The following HDAC3 variants were observed in gnomAD, a reference collection of about 807,000 sequenced individuals.
The protein encoded by HDAC3 is histone deacetylase 3.
Under a neutral mutation model 62.3 loss-of-function variants are expected in HDAC3, and 21 were observed. The observed-to-expected ratio is 0.34, with a 90% CI of 0.24 to 0.49. The LOEUF is 0.49. HDAC3 is among the 20% of genes least tolerant of loss of function. HDAC3 has a pLI of 0.99. For missense variants in HDAC3, 270 were observed against 556.9 expected (o/e 0.48, Z 5.19); for synonymous variants, 198 against 206.5 (o/e 0.96, Z 0.35).
chr5:141,624,108 A>G (rs1198168683), intron 14 of HDAC3, among the ~76,000 whole-genome samples: 1 of 151,724 alleles, frequency 6.6e-6, no homozygotes, highest in Non-Finnish European at 1.5e-5. Context: ...TAACAGAGCA[A>G]AGAAATCAAA....
intron 10 of HDAC3, 58 bp downstream of exon 10, chr5:141,627,835 G>A (rs1276258574): frequency 4.7e-6 from 7 of 1,480,024 alleles, no homozygotes; most frequent in African/African-American, 1.4e-5. Flanking sequence ...CCCCACCCAC[G>A]TACTGAAGTC....
chr5:141,627,976 C>G lies in HDAC3; in HGVS notation c.766-19G>C. 6.2e-7 allele frequency: 1 copy of G among 1,613,936 alleles called. No homozygotes were observed. ...CTCCACACTGCAAAAAGCAAAACCCCAGGAAAGTGCAGTGATCAGAACTGA... is the reference window on the plus strand; with the variant it reads ...CTCCACACTGCAAAAAGCAAAACCCGAGGAAAGTGCAGTGATCAGAACTGA... On this transcript the variant is annotated intron_variant, in intron 9 of 14. Transcript: ENST00000305264.
Position 141,636,849 on chromosome 5 carries a change from C to A in HDAC3, c.-59G>T. 2 of 1,354,064 alleles carry A rather than the reference C, an allele frequency of 1.5e-6. No homozygotes were observed. The highest frequency in any genetic ancestry group is 1.8e-5 in the South Asian group (1 of 54,270). 83.9% of individuals were successfully genotyped at this position (1,354,064 alleles called of 1,614,324 possible). A position where few individuals can be genotyped will look rare whatever the true frequency, so the allele number is the denominator to read the frequency against. Reference sequence around the variant, plus strand: ...GCCCGCCGCCCGCGGCCGCCGCCAGCCCCTCCCCGGCCGTGCGTGCTGCGC... The same window carrying A: ...GCCCGCCGCCCGCGGCCGCCGCCAGACCCTCCCCGGCCGTGCGTGCTGCGC... On this transcript the variant is annotated 5_prime_UTR_variant, in exon 1 of 15. Transcript: ENST00000305264.
Position 141,636,646 on chromosome 5 carries a change from A to T in HDAC3, c.56-16T>A, listed in dbSNP as rs778858626. 6.2e-7 allele frequency: 1 copy of T among 1,613,864 alleles called. No individual in the cohort carries two copies. Among genetic ancestry groups the T allele is most frequent in the South Asian group, 1.1e-5 (1 of 91,074 alleles). On this transcript the variant is annotated splice_polypyrimidine_tract_variant and intron_variant, in intron 1 of 14. Transcript: ENST00000305264. ...TGTCCAGCTCCTGGGGGTGGGGAGA[A>T]GAGAGTTCGTCAGCTCTCACCCCTG...
intron 3 of HDAC3, among the ~76,000 whole-genome samples, chr5:141,633,499 T>A (rs2099905521): frequency 1.3e-5 from 2 of 152,084 alleles, no homozygotes; most frequent in African/African-American, 4.8e-5. Context: ...TTTAAAACAA[T>A]CTAACATGAG....
In HDAC3 at chr5:141,625,762, A is replaced by G. The variant is rs2099904351; in HGVS notation, c.982T>C (p.Tyr328His). ...AISEELPYSEYFEYFAPDFTL... is the reference protein window; with the variant it reads ...AISEELPYSEHFEYFAPDFTL... Reference sequence around the variant, plus strand: ...AAGTCTGGGGCAAAGTACTCGAAGTATTCTTGGGGAGGAGAGGAGAAAGTA... The same window carrying G: ...AAGTCTGGGGCAAAGTACTCGAAGTGTTCTTGGGGAGGAGAGGAGAAAGTA... The change falls in exon 13 of 15, where the codon TAC becomes CAC. Residue 328 changes from tyrosine to histidine, a missense_variant and splice_region_variant. Tyr to His is a moderately conservative substitution (Grantham distance 83, BLOSUM62 2). Transcript: ENST00000305264. The surrounding 1 kb of genome is among the most constrained non-coding windows in gnomAD (Gnocchi z 4.0). The G allele has an allele frequency of 6.2e-7, 1 of 1,613,822 alleles. No individual in the cohort carries two copies. Among genetic ancestry groups the G allele is most frequent in the Admixed American group, 1.7e-5 (1 of 60,008 alleles).
In HDAC3 at chr5:141,625,082, G is replaced by T; in HGVS notation, c.1217+126C>A. Reference sequence around the variant, plus strand: ...TAAAAATAACAAAGAAAAGAGTGAGGAAATTGTAGCAGACTAAAGGAGGTA... The same window carrying T: ...TAAAAATAACAAAGAAAAGAGTGAGTAAATTGTAGCAGACTAAAGGAGGTA... On this transcript the variant is annotated intron_variant, in intron 14 of 14. Transcript: ENST00000305264. The surrounding 1 kb of genome is among the most constrained non-coding windows in gnomAD (Gnocchi z 4.0). 1 of 874,496 alleles carries T rather than the reference G, an allele frequency of 1.1e-6. No homozygotes were observed. The highest frequency in any genetic ancestry group is 1.7e-6 in the Non-Finnish European group (1 of 577,896). 54.2% of individuals were successfully genotyped at this position (874,496 alleles called of 1,614,324 possible).
intron 14 of HDAC3, chr5:141,624,996 C>G: frequency 1.9e-6 from 1 of 539,298 alleles, no homozygotes; most frequent in South Asian, 2.4e-5. Flanking sequence ...TGTGTGAACG[C>G]CAACACCATA....
chr5:141,629,547 G>A lies in HDAC3; in HGVS notation c.476+137C>T. 1.0e-6 allele frequency: 1 copy of A among 955,454 alleles called. No homozygotes were observed. 59.2% of individuals were successfully genotyped at this position (955,454 alleles called of 1,614,324 possible). The stretch of plus-strand genomic sequence containing the variant: ...CAGTAGGGAATCTGCAGCAGTGGAA[G>A]AGGCAGCCTGAATAAAGCATCAAGA... On this transcript the variant is annotated intron_variant, in intron 6 of 14. Transcript: ENST00000305264. The surrounding 1 kb of genome is among the most constrained non-coding windows in gnomAD (Gnocchi z 5.3).
At chr5:141,623,299 C>T (rs1562364116) in intron 14 of HDAC3, among the ~76,000 whole-genome samples, 1 of 152,114 alleles carries the variant, frequency 6.6e-6, no homozygotes, top group African/African-American at 2.4e-5. Flanking sequence ...AAAGTGGTAA[C>T]TCTTCCTATT....
At position 141,625,185 on chromosome 5, in the gene HDAC3, G is replaced by T; in HGVS notation, c.1217+23C>A. Reference sequence around the variant, plus strand: ...CTCCCCAGCAAGCCTATTGAAAGTAGGCTGAAGTCCCTGCTCCCAGACCTG... The same window carrying T: ...CTCCCCAGCAAGCCTATTGAAAGTATGCTGAAGTCCCTGCTCCCAGACCTG... On this transcript the variant is annotated intron_variant, in intron 14 of 14. Transcript: ENST00000305264. This position sits in a 1 kb window ranked among gnomAD's most constrained non-coding sequence, Gnocchi z 4.0. 6.3e-7 allele frequency: 1 copy of T among 1,581,534 alleles called. No homozygotes were observed. Among genetic ancestry groups the T allele is most frequent in the Non-Finnish European group, 8.6e-7 (1 of 1,169,206 alleles).
chr5:141,631,788 AG>A (rs2099905255), intron 3 of HDAC3, among the ~76,000 whole-genome samples: 1 of 152,220 alleles, frequency 6.6e-6, no homozygotes, highest in Non-Finnish European at 1.5e-5. Flanking sequence ...AAACAATAAT[AG>A]ACCCTGCTTC....
At position 141,628,475 on chromosome 5, in the gene HDAC3, C is replaced by A. The variant is rs910576866; in HGVS notation, c.691+84G>T. On this transcript the variant is annotated intron_variant, in intron 8 of 14. Coordinates refer to ENST00000305264, the MANE Select transcript of HDAC3 (RefSeq NM_003883.4). The surrounding 1 kb of genome is among the most constrained non-coding windows in gnomAD (Gnocchi z 4.7). ...TCATCCTTAAGGACAACTGGCCCAA[C>A]AGCAGACAATACCAGGCAGAAGAGG... 2.6e-6 allele frequency: 3 copies of A among 1,142,718 alleles called. No individual in the cohort carries two copies. Among genetic ancestry groups the A allele is most frequent in the South Asian group, 1.2e-5 (1 of 80,350 alleles). 70.8% of individuals were successfully genotyped at this position (1,142,718 alleles called of 1,614,324 possible). A position where few individuals can be genotyped will look rare whatever the true frequency, so the allele number is the denominator to read the frequency against.
chr5:141,633,825 C>CAAAAAAAAAAAAAAAAAAAAAAAAAA (rs11291105), intron 3 of HDAC3, among the ~76,000 whole-genome samples: 2 of 74,010 alleles, frequency 2.7e-5, no homozygotes, highest in African/African-American at 5.2e-5. Context: ...GACTCTGTCT[C>CAAAAAAAAAAAAAAAAAAAAAAAAAA]AAAAAAAAAA....
intron 2 of HDAC3, among the ~76,000 whole-genome samples, chr5:141,635,748 G>A (rs905518716): frequency 2.0e-5 from 3 of 152,194 alleles, no homozygotes; most frequent in Non-Finnish European, 4.4e-5. Context: ...GGGACTACAG[G>A]CACACCCACC....
chr5:141,621,426 G>C lies in HDAC3; in HGVS notation c.*42C>G. The C allele has an allele frequency of 1.3e-6, 2 of 1,571,294 alleles. No individual in the cohort carries two copies. Among genetic ancestry groups the C allele is most frequent in the Non-Finnish European group, 1.8e-6 (2 of 1,141,184 alleles). ...CCTTTTCCCTCCAGCCCAACCAAGA[G>C]GTGAAAAGAAATTCCTTGGGACACA... On this transcript the variant is annotated 3_prime_UTR_variant, in exon 15 of 15. Coordinates refer to ENST00000305264, the MANE Select transcript of HDAC3 (RefSeq NM_003883.4).
rs58610895 is a variant in HDAC3, at chr5:141,624,372, CAAAAAAAAAAAAAAAAAAAAA to C, written c.1217+815_1217+835del. On this transcript the variant is annotated intron_variant, in intron 14 of 14. Coordinates refer to ENST00000305264, the MANE Select transcript of HDAC3 (RefSeq NM_003883.4). Reference sequence around the variant, plus strand: ...CAACAAGGCAAGACTCCGTCTCTACCAAAAAAAAAAAAAAAAAAAAAAAAAAAAAAAAAAATTAGCCAGGTG... The same window carrying C: ...CAACAAGGCAAGACTCCGTCTCTACCAAAAAAAAAAAAAATTAGCCAGGTG... Among the ~76,000 whole-genome samples, 3 of 22,086 alleles carry C rather than the reference CAAAAAAAAAAAAAAAAAAAAA, an allele frequency of 1.4e-4. No individual in the cohort carries two copies. In the Admixed American group the frequency reaches 2.9e-3, roughly 21 times the overall value. The allele number at this position is 22,086 out of a possible 152,430, so 14.5% of individuals were successfully genotyped here.
At position 141,621,134 on chromosome 5, in the gene HDAC3, G is replaced by A. The variant is rs1373537708; in HGVS notation, c.*334C>T. On this transcript the variant is annotated 3_prime_UTR_variant, in exon 15 of 15. Coordinates refer to ENST00000305264, the MANE Select transcript of HDAC3 (RefSeq NM_003883.4). ...AGGCAATCTCAGTCCTTGTCTACCCGTTCATCCCTCAAAAATCTCTGGGTT... is the reference window on the plus strand; with the variant it reads ...AGGCAATCTCAGTCCTTGTCTACCCATTCATCCCTCAAAAATCTCTGGGTT... The A allele has an allele frequency of 1.7e-5, 5 of 295,350 alleles. No homozygotes were observed. Among genetic ancestry groups the A allele is most frequent in the East Asian group, 1.2e-4 (1 of 8,450 alleles). The allele number at this position is 295,350 out of a possible 1,614,324, so 18.3% of individuals were successfully genotyped here.
In HDAC3 at chr5:141,626,625, C is replaced by A. The variant is rs2099904459; in HGVS notation, c.831-342G>T. On this transcript the variant is annotated intron_variant, in intron 10 of 14. Transcript: ENST00000305264. The surrounding 1 kb of genome is among the most constrained non-coding windows in gnomAD (Gnocchi z 4.6). ...GCGGTGCTCACGCCTTTGTAGTAGT[C>A]CCAGCTACTCAGGAGGCTGAGGCAG... 5.8e-5 allele frequency: 17 copies of A among 295,134 alleles called. No individual in the cohort carries two copies. The South Asian group carries it at 6.0e-4, about 10-fold the overall frequency. 18.3% of individuals were successfully genotyped at this position (295,134 alleles called of 1,614,324 possible).
Sources: allele counts gnomAD v4.1 joint callset (sites outside exome capture counted in the v4.1 genomes callset), GRCh38; gene constraint gnomAD v4.1.1; non-coding constraint Gnocchi (gnomAD v3.1); transcripts MANE v1.5; gene names NCBI Gene and HGNC (gene_info 2026-07-23, HGNC 2026-07-21).